ATP8B4: variants seen among roughly 807,000 people sequenced by gnomAD.
ATP8B4 encodes the protein ATPase phospholipid transporting 8B4 (putative).
A neutral mutation model predicts 145.6 loss-of-function variants in ATP8B4; 133 were observed. The ratio of observed to expected loss-of-function variants is 0.91; its 90% CI spans 0.79 to 1.05. ATP8B4 has a LOEUF of 1.05. Among genes scored for constraint, ATP8B4 ranks in the 50% least tolerant of loss-of-function variants. The pLI is 0.00. For missense variants in ATP8B4, 1,458 were observed against 1,425.2 expected (o/e 1.02, Z -0.37); for synonymous variants, 507 against 492.9 (o/e 1.03, Z -0.38).
chr15:49,897,495 T>G lies in ATP8B4; in HGVS notation c.2494A>C (p.Ile832Leu), dbSNP rs1292068812. Residue 832 changes from isoleucine (I) to leucine (L), a missense_variant, in exon 23 of 28, where the codon ATC becomes CTC. Coordinates refer to ENST00000284509, the MANE Select transcript of ATP8B4 (RefSeq NM_024837.4). The stretch of plus-strand genomic sequence containing the variant: ...GCTTGCAATCCTTCCTGGCCGCTGA[T>G]GCCAACACCAATGTGAGCACCTACA... Reference protein sequence around the residue: ...MIKSAHIGVGISGQEGLQAVL... With the variant: ...MIKSAHIGVGLSGQEGLQAVL... 1.9e-6 allele frequency: 3 copies of G among 1,567,188 alleles called. 1 individual carries two copies. The South Asian group carries it at 3.6e-5, about 19-fold the overall frequency.
intron 2 of ATP8B4, among the ~76,000 whole-genome samples, chr15:50,081,044 C>T (rs1304303289): frequency 6.7e-6 from 1 of 149,026 alleles, no homozygotes; most frequent in East Asian, 2.0e-4. Context: ...ACCCGGGAGG[C>T]GGAGCTTGCA....
chr15:49,878,545 T>A (rs1345612792), intron 24 of ATP8B4, among the ~76,000 whole-genome samples: 1 of 152,330 alleles, frequency 6.6e-6, no homozygotes, highest in African/African-American at 2.4e-5. Context: ...CAAAAAGTCT[T>A]TTTAAAAATA....
chr15:50,022,580 T>C (rs1370510296), intron 6 of ATP8B4, among the ~76,000 whole-genome samples: 4 of 152,220 alleles, frequency 2.6e-5, no homozygotes, highest in African/African-American at 9.6e-5. Context: ...GCTGTATTAT[T>C]GAGGCTTATC....
chr15:49,977,316 T>G (rs1000330515), intron 12 of ATP8B4, among the ~76,000 whole-genome samples: 36 of 152,080 alleles, frequency 2.4e-4, no homozygotes, highest in Admixed American at 1.3e-4. Context: ...GAATGCTTTT[T>G]CCCTCGAGTT....
intron 13 of ATP8B4, among the ~76,000 whole-genome samples, chr15:49,964,438 A>T (rs2044352079): frequency 6.6e-6 from 1 of 152,202 alleles, no homozygotes; most frequent in African/African-American, 2.4e-5. Flanking sequence ...GCCTAAGAAG[A>T]TAATATTTCT....
At chr15:50,073,439 C>A (rs771995032) in intron 3 of ATP8B4, among the ~76,000 whole-genome samples, 14 of 152,130 alleles carry the variant, frequency 9.2e-5, no homozygotes, top group Non-Finnish European at 1.9e-4. Context: ...AGGTGCATAG[C>A]ATTCCATGGT....
chr15:49,981,627 A>G (rs934613209), intron 10 of ATP8B4, among the ~76,000 whole-genome samples: 6 of 152,206 alleles, frequency 3.9e-5, no homozygotes, highest in African/African-American at 1.4e-4. Flanking sequence ...AACAAAAGTG[A>G]GGAATAATTT....
chr15:49,937,371 A>G (rs1215945061), intron 14 of ATP8B4, among the ~76,000 whole-genome samples: 1 of 152,172 alleles, frequency 6.6e-6, no homozygotes, highest in East Asian at 1.9e-4. Context: ...CCCAGAAAAT[A>G]TGTGCTATGT....
intron 1 of ATP8B4, among the ~76,000 whole-genome samples, chr15:50,173,089 C>T (rs1384882205): frequency 2.1e-5 from 3 of 145,894 alleles, no homozygotes; most frequent in African/African-American, 5.1e-5. Context: ...GGGCAGCCCC[C>T]GCCCAGCCGC....
At chr15:50,072,992 A>C (rs1223496277) in intron 3 of ATP8B4, among the ~76,000 whole-genome samples, 32 of 29,242 alleles carry the variant, frequency 1.1e-3, no homozygotes, top group East Asian at 1.7e-3. Flanking sequence ...ATATATATAT[A>C]TATATATATA....
chr15:50,026,979 AG>A (rs1211878703), intron 6 of ATP8B4, among the ~76,000 whole-genome samples: 2 of 152,168 alleles, frequency 1.3e-5, no homozygotes, highest in Non-Finnish European at 2.9e-5. Flanking sequence ...GTAAAGACCT[AG>A]TAATCCTCTA....
chr15:49,891,967 T>A (rs1004631842), intron 23 of ATP8B4, among the ~76,000 whole-genome samples: 1 of 151,712 alleles, frequency 6.6e-6, no homozygotes, highest in Non-Finnish European at 1.5e-5. Context: ...AACACAAAAA[T>A]TAGTTGGGCA....
At chr15:49,940,594 C>A (rs2042092403) in intron 14 of ATP8B4, among the ~76,000 whole-genome samples, 1 of 151,882 alleles carries the variant, frequency 6.6e-6, no homozygotes, top group African/African-American at 2.4e-5. Context: ...ACAAAATAGA[C>A]AAAGAAAAAT....
chr15:49,987,506 GAATTTA>G lies in ATP8B4; in HGVS notation c.627_632del (p.Lys210_Phe211del). The stretch of plus-strand genomic sequence containing the variant: ...TGTCTTTCCAAGAAAGGATTCCCAT[GAATTTA>G]TCTAACTTGTTGTTAGGCACCTCAC... On this transcript the variant is annotated inframe_deletion, in exon 10 of 28. Transcript: ENST00000284509. 6.2e-7 allele frequency: 1 copy of G among 1,613,726 alleles called. No individual in the cohort carries two copies. The highest frequency in any genetic ancestry group is 8.5e-7 in the Non-Finnish European group (1 of 1,179,772).
intron 5 of ATP8B4, among the ~76,000 whole-genome samples, chr15:50,041,694 A>C (rs1600010268): frequency 6.6e-6 from 1 of 152,238 alleles, no homozygotes; most frequent in African/African-American, 2.4e-5. Context: ...CTGTAATCCC[A>C]GGACTTTGAG....
chr15:49,862,236 G>T lies in ATP8B4; in HGVS notation c.3297+9C>A. The T allele has an allele frequency of 6.2e-7, 1 of 1,612,480 alleles. No homozygotes were observed. The highest frequency in any genetic ancestry group is 8.5e-7 in the Non-Finnish European group (1 of 1,178,952). ...CAGCCTTCAAGTATTCATCAGCACT[G>T]TGACATACCTGATCACTCAGGGTTG... On this transcript the variant is annotated intron_variant, in intron 27 of 27. Coordinates refer to ENST00000284509, the MANE Select transcript of ATP8B4 (RefSeq NM_024837.4).
chr15:50,077,918 CT>C (rs2054287908), intron 2 of ATP8B4, among the ~76,000 whole-genome samples: 1 of 152,136 alleles, frequency 6.6e-6, no homozygotes, highest in Non-Finnish European at 1.5e-5. Context: ...AGAAAAGCCT[CT>C]GTCAGCAGGC....
chr15:50,024,679 T>G (rs989343926), intron 6 of ATP8B4, among the ~76,000 whole-genome samples: 2 of 152,224 alleles, frequency 1.3e-5, no homozygotes, highest in Non-Finnish European at 2.9e-5. Context: ...TAGGGCTGCC[T>G]GTCACATTTT....
chr15:49,970,377 C>T (rs1296816008), intron 13 of ATP8B4, among the ~76,000 whole-genome samples: 4 of 152,248 alleles, frequency 2.6e-5, no homozygotes, highest in Admixed American at 2.0e-4. Flanking sequence ...AAAACCCCAT[C>T]GTCTCAGCCT....
Sources: allele counts gnomAD v4.1 joint callset (sites outside exome capture counted in the v4.1 genomes callset), GRCh38; gene constraint gnomAD v4.1.1; transcripts MANE v1.5; gene names NCBI Gene and HGNC (gene_info 2026-07-23, HGNC 2026-07-21).